The following SEPTIN9 variants were observed in gnomAD, a reference collection of about 807,000 sequenced individuals.
The protein encoded by SEPTIN9 is septin 9, also known as septin-9.
In SEPTIN9, 13 loss-of-function variants were observed where a neutral mutation model predicts 56.6. That is an observed-to-expected ratio of 0.23 (90% confidence interval 0.15 to 0.37). SEPTIN9 has a LOEUF of 0.37. Ranked by LOEUF, SEPTIN9 falls within the 10% of genes least tolerant of loss-of-function variation. The pLI is 1.00. For synonymous variants in SEPTIN9, 332 were observed against 334.1 expected (o/e 0.99, Z 0.07); for missense variants, 650 against 823.1 (o/e 0.79, Z 2.57).
chr17:77,486,695 T>G (rs889090711), intron 4 of SEPTIN9, among the ~76,000 whole-genome samples: 1 of 151,948 alleles, frequency 6.6e-6, no homozygotes, highest in African/African-American at 2.4e-5. Flanking sequence ...TTGTGTGTGT[T>G]GTGTTGCATA....
At chr17:77,398,463 G>A (rs1192153684) in intron 2 of SEPTIN9, among the ~76,000 whole-genome samples, 1 of 152,176 alleles carries the variant, frequency 6.6e-6, no homozygotes, top group Non-Finnish European at 1.5e-5. Context: ...CCGGGAAGGG[G>A]GCTGGAGTGG....
Position 77,499,122 on chromosome 17 carries a change from A to T in SEPTIN9, c.*464A>T, listed in dbSNP as rs2040403665. 3.7e-6 allele frequency: 2 copies of T among 535,910 alleles called. No homozygotes were observed. The highest frequency in any genetic ancestry group is 7.2e-6 in the Non-Finnish European group (2 of 276,166). The allele number at this position is 535,910 out of a possible 1,614,324, so 33.2% of individuals were successfully genotyped here. A position where few individuals can be genotyped will look rare whatever the true frequency, so the allele number is the denominator to read the frequency against. The stretch of plus-strand genomic sequence containing the variant: ...TGTGTCAGAGCCCAGGGGAGAATGC[A>T]GCCCACCAGGAGCACCTGGACCCCC... On this transcript the variant is annotated 3_prime_UTR_variant, in exon 12 of 12. Coordinates refer to ENST00000427177, the MANE Select transcript of SEPTIN9 (RefSeq NM_001113491.2).
At chr17:77,393,880 C>T (rs1257628838) in intron 2 of SEPTIN9, among the ~76,000 whole-genome samples, 1 of 152,216 alleles carries the variant, frequency 6.6e-6, no homozygotes, top group African/African-American at 2.4e-5. Context: ...GCCACCGCGC[C>T]TGGCCTCAGG....
chr17:77,339,606 T>A (rs572572161), intron 2 of SEPTIN9, among the ~76,000 whole-genome samples: 236 of 151,696 alleles, frequency 1.6e-3, no homozygotes, highest in African/African-American at 5.4e-3. Context: ...GCCTCCCGGG[T>A]TCAAGTGATT....
intron 1 of SEPTIN9, among the ~76,000 whole-genome samples, chr17:77,304,769 G>T (rs1279238550): frequency 6.6e-6 from 1 of 152,190 alleles, no homozygotes; most frequent in Non-Finnish European, 1.5e-5. Context: ...TGTCCCAGTA[G>T]TGCACTGATG....
intron 2 of SEPTIN9, among the ~76,000 whole-genome samples, chr17:77,378,137 G>A (rs867663909): frequency 1.3e-5 from 2 of 152,182 alleles, no homozygotes; most frequent in South Asian, 2.1e-4. Flanking sequence ...AGAGGCAGGT[G>A]GAGGTAAACG....
intron 1 of SEPTIN9, among the ~76,000 whole-genome samples, chr17:77,301,816 A>G (rs1377213517): frequency 2.6e-5 from 4 of 152,220 alleles, no homozygotes; most frequent in Non-Finnish European, 5.9e-5. Flanking sequence ...CTCCTTTTTG[A>G]GAAAATGTGA....
chr17:77,481,555 C>G (rs1160120527), intron 3 of SEPTIN9, among the ~76,000 whole-genome samples: 1 of 152,094 alleles, frequency 6.6e-6, no homozygotes, highest in Non-Finnish European at 1.5e-5. Context: ...CCCTTTCTTA[C>G]AAGACCATCC....
Position 77,451,562 on chromosome 17 carries a change from C to T in SEPTIN9, c.722-30582C>T. ...TGCTCCTTTGTTCTTCCCAGCCTTG[C>T]ACCACTGGCTCGGGGGCTCTCAGGT... On this transcript the variant is annotated intron_variant, in intron 3 of 11. Transcript: ENST00000427177. This position sits in a 1 kb window ranked among gnomAD's most constrained non-coding sequence, Gnocchi z 4.2. The T allele has an allele frequency of 2.0e-6, 2 of 985,182 alleles. No homozygotes were observed. Among genetic ancestry groups the T allele is most frequent in the Non-Finnish European group, 2.4e-6 (2 of 829,656 alleles). 61.0% of individuals were successfully genotyped at this position (985,182 alleles called of 1,614,324 possible).
chr17:77,315,316 C>A (rs1468319168), intron 2 of SEPTIN9, among the ~76,000 whole-genome samples: 1 of 148,388 alleles, frequency 6.7e-6, no homozygotes, highest in East Asian at 2.0e-4. Context: ...GAGATGGAAT[C>A]TCGCGCTGTC....
Position 77,500,415 on chromosome 17 carries a change from C to A in SEPTIN9, c.*1757C>A, listed in dbSNP as rs1404539847. Reference sequence around the variant, plus strand: ...GTGGGGGTGGGCAGCAGCATCCCAGCCTTGAGATGCTTCACTTTCCTTCTC... The same window carrying A: ...GTGGGGGTGGGCAGCAGCATCCCAGACTTGAGATGCTTCACTTTCCTTCTC... On this transcript the variant is annotated 3_prime_UTR_variant, in exon 12 of 12. Coordinates refer to ENST00000427177, the MANE Select transcript of SEPTIN9 (RefSeq NM_001113491.2). The A allele has an allele frequency of 1.3e-5, 3 of 227,442 alleles. No individual in the cohort carries two copies. Among genetic ancestry groups the A allele is most frequent in the African/African-American group, 2.2e-5 (1 of 44,884 alleles). 14.1% of individuals were successfully genotyped at this position (227,442 alleles called of 1,614,324 possible).
Position 77,450,415 on chromosome 17 carries a change from G to A in SEPTIN9, c.722-31729G>A. The A allele has an allele frequency of 1.1e-6, 1 of 932,870 alleles. No individual in the cohort carries two copies. Among genetic ancestry groups the A allele is most frequent in the Non-Finnish European group, 1.3e-6 (1 of 781,868 alleles). 57.8% of individuals were successfully genotyped at this position (932,870 alleles called of 1,614,324 possible). A position where few individuals can be genotyped will look rare whatever the true frequency, so the allele number is the denominator to read the frequency against. On this transcript the variant is annotated intron_variant, in intron 3 of 11. Coordinates refer to ENST00000427177, the MANE Select transcript of SEPTIN9 (RefSeq NM_001113491.2). This position sits in a 1 kb window ranked among gnomAD's most constrained non-coding sequence, Gnocchi z 6.0. ...CTGGCCCTCAGAAGGTGTCACCAAA[G>A]GCTTCTTTCCATTTGAGTGAATCCC... is the stretch of plus-strand genomic sequence containing the variant.
intron 7 of SEPTIN9, among the ~76,000 whole-genome samples, chr17:77,489,933 G>T (rs886811384): frequency 6.6e-6 from 1 of 152,226 alleles, no homozygotes; most frequent in African/African-American, 2.4e-5. Flanking sequence ...AGCTGAGGCT[G>T]ATGGCAGGAG....
chr17:77,406,206 T>A (rs1364671426), intron 3 of SEPTIN9, among the ~76,000 whole-genome samples: 1 of 152,186 alleles, frequency 6.6e-6, no homozygotes, highest in Non-Finnish European at 1.5e-5. Flanking sequence ...CACGGTTGAT[T>A]CACTCTCCTG....
rs1218559605 is a variant in SEPTIN9, at chr17:77,400,495, G to A, written c.77-1564G>A. The A allele has an allele frequency of 2.0e-5, 3 of 152,176 alleles. No individual in the cohort carries two copies. The highest frequency in any genetic ancestry group is 4.4e-5 in the Non-Finnish European group (3 of 68,050). 9.4% of individuals were successfully genotyped at this position (152,176 alleles called of 1,614,324 possible). A position where few individuals can be genotyped will look rare whatever the true frequency, so the allele number is the denominator to read the frequency against. Reference sequence around the variant, plus strand: ...GAGAGGGCGCCCACAGGAGTGCCTTGCCCAGGAAGCTGGCAGCTGAGGCGG... The same window carrying A: ...GAGAGGGCGCCCACAGGAGTGCCTTACCCAGGAAGCTGGCAGCTGAGGCGG... On this transcript the variant is annotated intron_variant, in intron 2 of 11. Transcript: ENST00000427177. The surrounding 1 kb of genome is among the most constrained non-coding windows in gnomAD (Gnocchi z 4.1).
chr17:77,285,016 A>G (rs2031212347), intron 1 of SEPTIN9, among the ~76,000 whole-genome samples: 1 of 152,196 alleles, frequency 6.6e-6, no homozygotes, highest in Admixed American at 6.5e-5. Context: ...CCTGCTCTGT[A>G]ACCTGTTAGC....
intron 7 of SEPTIN9, among the ~76,000 whole-genome samples, chr17:77,490,181 G>A (rs1040685074): frequency 1.3e-5 from 2 of 152,232 alleles, no homozygotes; most frequent in Non-Finnish European, 2.9e-5. Context: ...TTCTCACTGT[G>A]GGAAAAGCTC....
intron 3 of SEPTIN9, among the ~76,000 whole-genome samples, chr17:77,419,147 C>A (rs1039651180): frequency 6.6e-6 from 1 of 152,242 alleles, no homozygotes; most frequent in African/African-American, 2.4e-5. Flanking sequence ...CCTGTGGGAA[C>A]CCCCGAGGGG....
chr17:77,493,661 C>T lies in SEPTIN9; in HGVS notation c.1573+585C>T, dbSNP rs1226474745. On this transcript the variant is annotated intron_variant, in intron 10 of 11. Coordinates refer to ENST00000427177, the MANE Select transcript of SEPTIN9 (RefSeq NM_001113491.2). ...ATCCATGCCTTCCTCCTTCTGGTGG[C>T]GCCTGGCATTCCTAGTTGTATTGTA... Among the ~76,000 whole-genome samples the T allele has an allele frequency of 3.3e-5, 5 of 151,984 alleles. No homozygotes were observed. The East Asian group carries it at 5.8e-4, about 18-fold the overall frequency.
Sources: gnomAD v4.1 joint callset for allele counts (sites outside exome capture counted in the v4.1 genomes callset) on GRCh38, gnomAD v4.1.1 for gene constraint, Gnocchi (gnomAD v3.1) non-coding constraint, MANE v1.5 for transcripts, NCBI Gene and HGNC (gene_info 2026-07-23, HGNC 2026-07-21) for gene names.